Variants in SLC35F1 observed in about 807,000 individuals in gnomAD.
SLC35F1 encodes solute carrier family 35 member F1, also known as chromosome 6 open reading frame 169.
A neutral mutation model predicts 48.7 loss-of-function variants in SLC35F1; 14 were observed. That is an observed-to-expected ratio of 0.29 (90% CI 0.19 to 0.45). The LOEUF (loss-of-function observed/expected upper bound fraction) is 0.45, where lower values mean the gene tolerates loss of function less well. Ranked by LOEUF, SLC35F1 falls within the 20% of genes least tolerant of loss-of-function variation. SLC35F1 has a pLI of 1.00. For missense variants in SLC35F1, 404 were observed against 500.0 expected, an observed-to-expected ratio of 0.81 and a Z score of 1.83; for synonymous variants, 190 against 202.2, an observed-to-expected ratio of 0.94 and a Z score of 0.51.
intron 1 of SLC35F1, among the ~76,000 whole-genome samples, chr6:117,913,180 A>G (rs539571661): frequency 6.6e-6 from 1 of 152,246 alleles, no homozygotes; most frequent in Admixed American, 6.5e-5. Flanking sequence ...CATTGTTCAG[A>G]CACATTAATT....
intron 1 of SLC35F1, among the ~76,000 whole-genome samples, chr6:118,142,039 A>G (rs1773898381): frequency 6.6e-6 from 1 of 152,198 alleles, no homozygotes; most frequent in African/African-American, 2.4e-5. Context: ...AAAACAGGCT[A>G]ATTGCTTTTA....
chr6:118,261,610 G>GAATA (rs1775713323), intron 3 of SLC35F1, among the ~76,000 whole-genome samples: 1 of 152,144 alleles, frequency 6.6e-6, no homozygotes, highest in Non-Finnish European at 1.5e-5. Context: ...GCTGAATGAA[G>GAATA]AATAAACTTT....
At chr6:117,999,297 C>T in intron 1 of SLC35F1, 4 of 1,596,006 alleles carry the variant, frequency 2.5e-6, no homozygotes, top group Non-Finnish European at 3.4e-6. Context: ...GGGAAGCGTG[C>T]TCTTGCCCGT....
At chr6:118,236,183 T>C (rs1364843603) in intron 3 of SLC35F1, among the ~76,000 whole-genome samples, 3 of 152,186 alleles carry the variant, frequency 2.0e-5, no homozygotes, top group Non-Finnish European at 4.4e-5. Context: ...AAATGTGTTA[T>C]GCGTGAAGAT....
chr6:118,141,593 C>T (rs1219901861), intron 1 of SLC35F1, among the ~76,000 whole-genome samples: 1 of 152,180 alleles, frequency 6.6e-6, no homozygotes, highest in African/African-American at 2.4e-5. Context: ...CAGACTGCCA[C>T]TGTATCCTCA....
intron 1 of SLC35F1, among the ~76,000 whole-genome samples, chr6:118,096,766 T>A (rs942855021): frequency 6.6e-6 from 1 of 152,182 alleles, no homozygotes; most frequent in African/African-American, 2.4e-5. Context: ...GAGACAATAT[T>A]ACTGAAAAAC....
intron 1 of SLC35F1, among the ~76,000 whole-genome samples, chr6:118,138,032 G>A (rs1007361538): frequency 2.0e-5 from 3 of 152,156 alleles, no homozygotes; most frequent in African/African-American, 7.2e-5. Flanking sequence ...GGGAGGGTCA[G>A]GCTCAGTGGC....
At chr6:117,961,892 C>T (rs1776502794) in intron 1 of SLC35F1, among the ~76,000 whole-genome samples, 2 of 152,122 alleles carry the variant, frequency 1.3e-5, no homozygotes, top group South Asian at 4.1e-4. Flanking sequence ...ACAGTTTATA[C>T]ATAAATATAT....
intron 1 of SLC35F1, among the ~76,000 whole-genome samples, chr6:118,091,412 A>T (rs939096084): frequency 2.6e-5 from 4 of 152,140 alleles, no homozygotes; most frequent in African/African-American, 9.7e-5. Context: ...AACAAGTCTC[A>T]TGGGATCTGA....
chr6:118,077,932 T>C (rs998936123), intron 1 of SLC35F1, among the ~76,000 whole-genome samples: 2 of 152,216 alleles, frequency 1.3e-5, no homozygotes, highest in Non-Finnish European at 2.9e-5. Context: ...CTAAGTTTTC[T>C]TCAGTAGAGG....
intron 1 of SLC35F1, among the ~76,000 whole-genome samples, chr6:118,062,481 C>T (rs1772555211): frequency 6.6e-6 from 1 of 151,994 alleles, no homozygotes; most frequent in Admixed American, 6.6e-5. Context: ...GATATCCACC[C>T]CCTCAAGCAT....
chr6:117,966,147 C>T (rs1776565244), intron 1 of SLC35F1, among the ~76,000 whole-genome samples: 1 of 145,736 alleles, frequency 6.9e-6, no homozygotes, highest in African/African-American at 2.6e-5. Context: ...CCCCCCACTC[C>T]CGCCCCGCCC....
At chr6:118,103,642 T>C (rs1223105417) in intron 1 of SLC35F1, among the ~76,000 whole-genome samples, 2 of 152,190 alleles carry the variant, frequency 1.3e-5, no homozygotes, top group African/African-American at 4.8e-5. Context: ...TGTTTGCTGG[T>C]CTATGAAAAT....
chr6:117,934,396 T>C (rs1054743690), intron 1 of SLC35F1, among the ~76,000 whole-genome samples: 3 of 152,160 alleles, frequency 2.0e-5, no homozygotes, highest in African/African-American at 7.2e-5. Flanking sequence ...TGGGACAGTA[T>C]TGGGGAGATA....
chr6:118,297,646 T>TAC (rs1468404353), intron 7 of SLC35F1, among the ~76,000 whole-genome samples: 1 of 92,156 alleles, frequency 1.1e-5, no homozygotes, highest in African/African-American at 5.0e-5. Flanking sequence ...ATAAAAAATA[T>TAC]ATATATAATA....
chr6:118,305,486 C>T (rs1776302013), intron 7 of SLC35F1, among the ~76,000 whole-genome samples: 1 of 152,126 alleles, frequency 6.6e-6, no homozygotes, highest in South Asian at 2.1e-4. Flanking sequence ...ATCAATTTCA[C>T]ATGTCTTTTA....
chr6:117,993,203 C>T (rs1259739982), intron 1 of SLC35F1, among the ~76,000 whole-genome samples: 1 of 152,146 alleles, frequency 6.6e-6, no homozygotes, highest in African/African-American at 2.4e-5. Context: ...AGCCAGCATG[C>T]ATTTAGCTCT....
intron 2 of SLC35F1, among the ~76,000 whole-genome samples, chr6:118,161,793 G>C (rs564327372): frequency 3.3e-5 from 5 of 152,146 alleles, no homozygotes; most frequent in African/African-American, 4.8e-5. Flanking sequence ...ACAGATTTGG[G>C]GCTGTGATGT....
At chr6:118,022,535 G>A (rs188277907) in intron 1 of SLC35F1, among the ~76,000 whole-genome samples, 42 of 152,156 alleles carry the variant, frequency 2.8e-4, no homozygotes, top group Admixed American at 1.8e-3. Flanking sequence ...TTGAGTCTGA[G>A]AGGCCTGCAG....
Sources: allele counts gnomAD v4.1 joint callset (sites outside exome capture counted in the v4.1 genomes callset), GRCh38; gene constraint gnomAD v4.1.1; transcripts MANE v1.5; gene names NCBI Gene and HGNC (gene_info 2026-07-23, HGNC 2026-07-21).